The following FAT4 variants were observed in gnomAD, a reference collection of about 807,000 sequenced individuals.
FAT4 encodes the protein FAT atypical cadherin 4.
Under a neutral mutation model 303.9 loss-of-function variants are expected in FAT4, and 84 were observed. The observed-to-expected ratio is 0.28, with a 90% CI of 0.23 to 0.33. The LOEUF is 0.33. Ranked by LOEUF, FAT4 falls within the 10% of genes least tolerant of loss-of-function variation. FAT4 has a pLI of 1.00. For synonymous variants in FAT4, 2,307 were observed against 2,298.8 expected, an observed-to-expected ratio of 1.00 and a Z score of -0.10; for missense variants, 6,005 against 6,146.8, an observed-to-expected ratio of 0.98 and a Z score of 0.77.
chr4:125,396,005 T>C (rs1281784021), intron 2 of FAT4, among the ~76,000 whole-genome samples: 3 of 152,192 alleles, frequency 2.0e-5, no homozygotes, highest in Non-Finnish European at 4.4e-5. Flanking sequence ...TTAGTTCTTA[T>C]GTAAGTGATC....
chr4:125,384,939 A>T (rs1733676080), intron 2 of FAT4, among the ~76,000 whole-genome samples: 1 of 150,308 alleles, frequency 6.7e-6, no homozygotes, highest in South Asian at 2.1e-4. Flanking sequence ...ATTTTTACTA[A>T]GGAATGACAA....
At position 125,448,936 on chromosome 4, in the gene FAT4, G is replaced by T; in HGVS notation, c.7926G>T (p.Glu2642Asp). ...EKIQKYVVWI[E>D]ARDGGFPPFS... ...TACAAAAATATGTTGTATGGATAGA[G>T]GCCAGAGACGGTGGTTTCCCTCCTT... is the stretch of plus-strand genomic sequence containing the variant. The change falls in exon 10 of 18, where the codon GAG becomes GAT. Residue 2642 changes from glutamate (E) to aspartate (D), a missense_variant. Transcript: ENST00000394329. The T allele has an allele frequency of 6.2e-7, 1 of 1,613,540 alleles. No individual in the cohort carries two copies. Among genetic ancestry groups the T allele is most frequent in the Non-Finnish European group, 8.5e-7 (1 of 1,179,900 alleles).
At chr4:125,475,882 C>T (rs527510391) in intron 12 of FAT4, among the ~76,000 whole-genome samples, 41 of 152,042 alleles carry the variant, frequency 2.7e-4, no homozygotes, top group South Asian at 2.1e-4. Context: ...AAAAGATTAA[C>T]GGCATTTTTA....
At chr4:125,420,246 A>G (rs1349428290) in intron 7 of FAT4, among the ~76,000 whole-genome samples, 3 of 152,128 alleles carry the variant, frequency 2.0e-5, no homozygotes, top group African/African-American at 7.2e-5. Flanking sequence ...GAGTTTGTTT[A>G]CCTTATCCTT....
chr4:125,326,748 C>T (rs911421625), intron 2 of FAT4, among the ~76,000 whole-genome samples: 2 of 152,156 alleles, frequency 1.3e-5, no homozygotes, highest in African/African-American at 4.8e-5. Context: ...GCTTAAAAAG[C>T]ATTTAAGGCC....
intron 2 of FAT4, among the ~76,000 whole-genome samples, chr4:125,354,036 A>G (rs2710557): frequency 0.071 from 10,819 of 151,784 alleles, 481 homozygotes; most frequent in East Asian, 0.19. Flanking sequence ...GAATAAAACA[A>G]TGTTGGAAAT....
chr4:125,390,913 G>GA (rs1172893223), intron 2 of FAT4, among the ~76,000 whole-genome samples: 2 of 152,130 alleles, frequency 1.3e-5, no homozygotes, highest in Admixed American at 6.5e-5. Flanking sequence ...CAACAAACAT[G>GA]AAAAAAAGCT....
At chr4:125,348,494 A>G (rs1177244340) in intron 2 of FAT4, among the ~76,000 whole-genome samples, 2 of 151,690 alleles carry the variant, frequency 1.3e-5, no homozygotes, top group East Asian at 1.9e-4. Flanking sequence ...TCAATAATTA[A>G]TGCTATATTG....
chr4:125,358,602 G>A lies in FAT4; in HGVS notation c.5175+37016G>A, dbSNP rs1015330159. Among the ~76,000 whole-genome samples the A allele has an allele frequency of 4.6e-5, 7 of 152,134 alleles. No individual in the cohort carries two copies. In the South Asian group the frequency reaches 1.4e-3, roughly 31 times the overall value. On this transcript the variant is annotated intron_variant, in intron 2 of 17. Transcript: ENST00000394329. ...TAATGCTGTGGCTGATCTGACAGGA[G>A]GCAGAGCTCAGGTGATAAAGTGAGT...
intron 2 of FAT4, among the ~76,000 whole-genome samples, chr4:125,387,521 T>G (rs2126003770): frequency 6.6e-6 from 1 of 152,296 alleles, no homozygotes; most frequent in South Asian, 2.1e-4. Flanking sequence ...AAAAACACAA[T>G]CTGATGAACT....
At chr4:125,412,998 G>A (rs974545094) in intron 5 of FAT4, among the ~76,000 whole-genome samples, 3 of 151,640 alleles carry the variant, frequency 2.0e-5, no homozygotes, top group African/African-American at 7.3e-5. Context: ...TATATATGTA[G>A]ATGTTAATAG....
Position 125,434,336 on chromosome 4 carries a change from CACA to C in FAT4, c.7115_7117del (p.Thr2372del). 6 of 1,614,048 alleles carry C rather than the reference CACA, an allele frequency of 3.7e-6. No individual in the cohort carries two copies. The highest frequency in any genetic ancestry group is 1.1e-5 in the South Asian group (1 of 91,076). On this transcript the variant is annotated inframe_deletion, in exon 8 of 18. Coordinates refer to ENST00000394329, the MANE Select transcript of FAT4 (RefSeq NM_001291303.3). ...CCACATTTGCCAGTAAAGCGTATTTCACAACAATTCCTGAGGATGCACCAACTG... is the reference window on the plus strand; with the variant it reads ...CCACATTTGCCAGTAAAGCGTATTTCACAATTCCTGAGGATGCACCAACTG...
Position 125,317,372 on chromosome 4 carries a change from C to T in FAT4, c.961C>T (p.Leu321Phe). 3 of 1,613,444 alleles carry T rather than the reference C, an allele frequency of 1.9e-6. No individual in the cohort carries two copies. Among genetic ancestry groups the T allele is most frequent in the South Asian group, 1.1e-5 (1 of 91,086 alleles). ...CTTCGAAGCTCGGCGCCAATACTCG[C>T]TTACGGTGCAGGCGATGGACAGAGG... ...LDFEARRQYS[L>F]TVQAMDRGVP... Residue 321 changes from leucine (L) to phenylalanine (F), a missense_variant, in exon 2 of 18, where the codon CTT becomes TTT. Coordinates refer to ENST00000394329, the MANE Select transcript of FAT4 (RefSeq NM_001291303.3). This position sits in a 1 kb window ranked among gnomAD's most constrained non-coding sequence, Gnocchi z 7.0.
intron 10 of FAT4, among the ~76,000 whole-genome samples, chr4:125,458,795 T>C (rs924247906): frequency 1.3e-5 from 2 of 151,944 alleles, no homozygotes; most frequent in African/African-American, 2.4e-5. Context: ...CTTTTTTTGG[T>C]TGTTGCTTTT....
At chr4:125,464,691 C>T (rs879878679) in intron 11 of FAT4, among the ~76,000 whole-genome samples, 7 of 152,032 alleles carry the variant, frequency 4.6e-5, no homozygotes, top group Admixed American at 1.3e-4. Flanking sequence ...TGACAGGTCA[C>T]GGTGTGTGAA....
In FAT4 at chr4:125,452,773, A is replaced by G. The variant is rs765678483; in HGVS notation, c.11763A>G (p.Pro3921=). The change falls in exon 10 of 18, where the codon CCA becomes CCG. Residue 3921 remains proline, a synonymous_variant. Transcript: ENST00000394329. ...ATGGTGCCATCTGCCAGAATTTTCC[A>G]GGAAGCTTCAACTGTGTTTGCAAAA... is the stretch of plus-strand genomic sequence containing the variant. ...CKNGAICQNF[P]GSFNCVCKTG... The G allele has an allele frequency of 3.7e-6, 6 of 1,613,718 alleles. No homozygotes were observed. Among genetic ancestry groups the G allele is most frequent in the Non-Finnish European group, 4.2e-6 (5 of 1,179,812 alleles).
intron 2 of FAT4, among the ~76,000 whole-genome samples, chr4:125,330,811 A>C (rs1443149092): frequency 2.0e-5 from 3 of 152,132 alleles, no homozygotes; most frequent in African/African-American, 7.2e-5. Context: ...TTGCCCAAAA[A>C]CTTCCTATTT....
rs1393162114 is a variant in FAT4, at chr4:125,317,725, T to C, written c.1314T>C (p.Val438=). ...GCATCCCTTCCTACAACCTCACAGT[T>C]TCCGTCTCTGATAACTACGGGGCGC... The part of the protein sequence containing the change: ...RERIPSYNLT[V]SVSDNYGAPP... The change falls in exon 2 of 18, where the codon GTT becomes GTC. Residue 438 remains valine (V), a synonymous_variant. Coordinates refer to ENST00000394329, the MANE Select transcript of FAT4 (RefSeq NM_001291303.3). This position sits in a 1 kb window ranked among gnomAD's most constrained non-coding sequence, Gnocchi z 7.0. 1 of 1,614,030 alleles carries C rather than the reference T, an allele frequency of 6.2e-7. No homozygotes were observed. The highest frequency in any genetic ancestry group is 2.2e-5 in the East Asian group (1 of 44,850).
Position 125,449,502 on chromosome 4 carries a change from T to C in FAT4, c.8492T>C (p.Ile2831Thr). The C allele has an allele frequency of 6.2e-7, 1 of 1,613,930 alleles. No individual in the cohort carries two copies. The highest frequency in any genetic ancestry group is 8.5e-7 in the Non-Finnish European group (1 of 1,179,878). Residue 2831 changes from isoleucine (I) to threonine (T), a missense_variant, in exon 10 of 18, where the codon ATA (isoleucine) becomes ACA (threonine). By Grantham distance (89) the Ile-to-Thr change is moderately conservative. Coordinates refer to ENST00000394329, the MANE Select transcript of FAT4 (RefSeq NM_001291303.3). ...TINPSTGDIV[I>T]SRPLNREDTD... ...AATCCCAGCACAGGGGATATTGTCA[T>C]AAGCAGACCTTTAAATAGGGAAGAT...
Sources: allele counts gnomAD v4.1 joint callset (sites outside exome capture counted in the v4.1 genomes callset), GRCh38; gene constraint gnomAD v4.1.1; non-coding constraint Gnocchi (gnomAD v3.1); transcripts MANE v1.5; gene names NCBI Gene and HGNC (gene_info 2026-07-23, HGNC 2026-07-21).